Variants in PANX1 observed in about 807,000 individuals in gnomAD.
PANX1 encodes the protein pannexin-1.
PANX1 carries 30 observed loss-of-function variants against 38.7 expected under a neutral mutation model. The ratio of observed to expected loss-of-function variants is 0.78; its 90% CI spans 0.58 to 1.05. The LOEUF is 1.05. PANX1 is among the 50% of genes least tolerant of loss of function. The pLI is 0.00. For synonymous variants in PANX1, 230 were observed against 212.2 expected (o/e 1.08, Z -0.73); for missense variants, 551 against 517.2 (o/e 1.07, Z -0.63).
At chr11:94,137,453 CCTAA>C (rs1029936255) in intron 1 of PANX1, among the ~76,000 whole-genome samples, 7 of 152,138 alleles carry the variant, frequency 4.6e-5, no homozygotes, top group Non-Finnish European at 1.0e-4. Flanking sequence ...TTGTCAAACC[CCTAA>C]CTGAGGCAGC....
chr11:94,161,689 G>T (rs1002339648), intron 2 of PANX1, among the ~76,000 whole-genome samples: 1 of 152,136 alleles, frequency 6.6e-6, no homozygotes, highest in African/African-American at 2.4e-5. Flanking sequence ...GCTCGGAGTA[G>T]TTTGATCGTC....
rs113987986 is a variant in PANX1 at position 94,152,827 on chromosome 11, C to T, written c.182-664C>T. ...GTCCCTTCCCAGAAGAGCGAGTGAA[C>T]GGTAGAGCCCCACCAGGACCCAGGT... On this transcript the variant is annotated intron_variant, in intron 1 of 4. Coordinates refer to ENST00000227638, the MANE Select transcript of PANX1 (RefSeq NM_015368.4). Among the ~76,000 whole-genome samples the T allele has an allele frequency of 1.8e-3, 268 of 152,296 alleles. 4 individuals carry two copies. Among genetic ancestry groups the T allele is most frequent in the African/African-American group, 6.1e-3 (252 of 41,562 alleles).
intron 2 of PANX1, among the ~76,000 whole-genome samples, chr11:94,176,427 G>T (rs1309523343): frequency 6.6e-6 from 1 of 151,640 alleles, no homozygotes; most frequent in Non-Finnish European, 1.5e-5. Context: ...GAGGACAGTA[G>T]GGGAAAAACT....
intron 1 of PANX1, among the ~76,000 whole-genome samples, chr11:94,145,959 G>A (rs372106301): frequency 6.6e-6 from 1 of 152,182 alleles, no homozygotes; most frequent in Non-Finnish European, 1.5e-5. Context: ...TTCTGCTGAA[G>A]GGCCTAGGAA....
chr11:94,146,491 C>T (rs552821045), intron 1 of PANX1, among the ~76,000 whole-genome samples: 6 of 152,324 alleles, frequency 3.9e-5, no homozygotes, highest in Admixed American at 1.3e-4. Flanking sequence ...ACTTTTACGG[C>T]AGAAGAGACC....
intron 1 of PANX1, among the ~76,000 whole-genome samples, chr11:94,143,988 G>A (rs61671722): frequency 0.038 from 5,733 of 152,128 alleles, 308 homozygotes; most frequent in East Asian, 0.14. Flanking sequence ...GCCTCAAGCA[G>A]TCCTCCCAAA....
At chr11:94,135,710 GC>G (rs1199486731) in intron 1 of PANX1, among the ~76,000 whole-genome samples, 1 of 152,202 alleles carries the variant, frequency 6.6e-6, no homozygotes, top group Non-Finnish European at 1.5e-5. Context: ...ACAAGTAGTA[GC>G]TAAATACATC....
chr11:94,167,306 A>T (rs2134512124), intron 2 of PANX1, among the ~76,000 whole-genome samples: 1 of 152,246 alleles, frequency 6.6e-6, no homozygotes, highest in South Asian at 2.1e-4. Flanking sequence ...GTTATGTTAA[A>T]ACCAGGTACA....
chr11:94,133,908 C>T (rs912427911), intron 1 of PANX1, among the ~76,000 whole-genome samples: 5 of 152,172 alleles, frequency 3.3e-5, no homozygotes, highest in Admixed American at 6.5e-5. Flanking sequence ...AGGGAATGGA[C>T]GGAGTGTTCT....
chr11:94,132,784 T>G (rs974594269), intron 1 of PANX1, among the ~76,000 whole-genome samples: 1 of 152,222 alleles, frequency 6.6e-6, no homozygotes, highest in Non-Finnish European at 1.5e-5. Flanking sequence ...TTCTGTCAAC[T>G]GTTGTTTGAT....
chr11:94,180,288 A>C, intron 4 of PANX1, 31 bp downstream of exon 4: 3 of 1,521,662 alleles, frequency 2.0e-6, no homozygotes, highest in Admixed American at 2.0e-5. Flanking sequence ...AGGCTACGGG[A>C]GTCTACCGAG....
intron 2 of PANX1, among the ~76,000 whole-genome samples, chr11:94,171,455 A>G (rs1947166061): frequency 6.6e-6 from 1 of 151,528 alleles, no homozygotes; most frequent in Non-Finnish European, 1.5e-5. Context: ...TTATCCATGT[A>G]CCCCTGAGAC....
intron 2 of PANX1, among the ~76,000 whole-genome samples, chr11:94,158,882 G>C (rs1466119958): frequency 6.6e-6 from 1 of 152,100 alleles, no homozygotes; most frequent in Admixed American, 6.5e-5. Context: ...ATCAGCTGTG[G>C]GTTTGTCATA....
chr11:94,155,473 C>G (rs942683488), intron 2 of PANX1, among the ~76,000 whole-genome samples: 1 of 151,934 alleles, frequency 6.6e-6, no homozygotes, highest in African/African-American at 2.4e-5. Flanking sequence ...GAGATCACAC[C>G]ACTGCACTCC....
intron 2 of PANX1, among the ~76,000 whole-genome samples, chr11:94,170,041 T>A (rs942587352): frequency 6.6e-6 from 1 of 151,822 alleles, no homozygotes; most frequent in Non-Finnish European, 1.5e-5. Context: ...CAAGTTTTTC[T>A]TTTTCTTTTT....
intron 2 of PANX1, among the ~76,000 whole-genome samples, chr11:94,161,220 G>C (rs1438572562): frequency 6.6e-6 from 1 of 152,064 alleles, no homozygotes; most frequent in East Asian, 1.9e-4. Context: ...TGCTCTTCTC[G>C]AGGAGTATCT....
In PANX1 at chr11:94,178,528, C is replaced by G. The variant is rs755850483; in HGVS notation, c.481C>G (p.Arg161Gly). The change falls in exon 3 of 5, where the codon CGT becomes GGT. Residue 161 changes from arginine (R) to glycine (G), a missense_variant. Arg to Gly is a moderately radical substitution (Grantham distance 125, BLOSUM62 -2). Coordinates refer to ENST00000227638, the MANE Select transcript of PANX1 (RefSeq NM_015368.4). ...TGCAATTAAGGCTGCAAAGAGTGCG[C>G]GTGACCTTGACATGAGAGATGGAGC... The part of the protein sequence containing the change: ...NRAIKAAKSA[R>G]DLDMRDGACS... 8 of 1,614,062 alleles carry G rather than the reference C, an allele frequency of 5.0e-6. No homozygotes were observed. Among genetic ancestry groups the G allele is most frequent in the Non-Finnish European group, 5.9e-6 (7 of 1,179,992 alleles).
intron 2 of PANX1, among the ~76,000 whole-genome samples, chr11:94,159,517 C>A (rs1268612740): frequency 3.3e-5 from 5 of 150,958 alleles, no homozygotes; most frequent in Non-Finnish European, 5.9e-5. Flanking sequence ...TCCATTTCTT[C>A]GAGGTGTTTA....
At chr11:94,141,190 T>C (rs1267709712) in intron 1 of PANX1, among the ~76,000 whole-genome samples, 2 of 152,340 alleles carry the variant, frequency 1.3e-5, no homozygotes, top group East Asian at 3.9e-4. Context: ...GGGACAAAAG[T>C]TGTGCACATT....
Sources: gnomAD v4.1 joint callset for allele counts (sites outside exome capture counted in the v4.1 genomes callset) on GRCh38, gnomAD v4.1.1 for gene constraint, MANE v1.5 for transcripts, NCBI Gene and HGNC (gene_info 2026-07-23, HGNC 2026-07-21) for gene names.